The following CNTNAP2 variants were observed in gnomAD, a reference collection of about 807,000 sequenced individuals.
The protein encoded by CNTNAP2 is contactin-associated protein-like 2.
A neutral mutation model predicts 155.2 loss-of-function variants in CNTNAP2; 98 were observed. The ratio of observed to expected loss-of-function variants is 0.63; its 90% confidence interval spans 0.54 to 0.75. CNTNAP2 has a LOEUF of 0.75. Among genes scored for constraint, CNTNAP2 ranks in the 30% least tolerant of loss-of-function variants. The pLI, the probability that CNTNAP2 is intolerant of heterozygous loss-of-function variation, is 0.00. For synonymous variants in CNTNAP2, 651 were observed against 631.2 expected (o/e 1.03, Z -0.47); for missense variants, 1,727 against 1,688.1 (o/e 1.02, Z -0.40).
chr7:148,109,071 G>C lies in CNTNAP2; in HGVS notation c.2384-9047G>C, dbSNP rs564213821. 4.3e-4 allele frequency among the ~76,000 whole-genome samples: 66 copies of C among 152,308 alleles called. 1 individual carries two copies. The highest frequency in any genetic ancestry group is 1.5e-3 in the African/African-American group (64 of 41,576). On this transcript the variant is annotated intron_variant, in intron 15 of 23. Coordinates refer to ENST00000361727, the MANE Select transcript of CNTNAP2 (RefSeq NM_014141.6). ...CTGTTCACACATTGAAGGAAAAGAG[G>C]CTCCTCTTCCATCTTTCCCCATTCC...
chr7:146,355,123 A>T (rs1019577741), intron 1 of CNTNAP2, among the ~76,000 whole-genome samples: 2 of 152,208 alleles, frequency 1.3e-5, no homozygotes, highest in Non-Finnish European at 2.9e-5. Flanking sequence ...CTTTTGTTCC[A>T]ATTGCATACA....
chr7:147,305,069 C>G (rs540452379), intron 9 of CNTNAP2, among the ~76,000 whole-genome samples: 1 of 152,104 alleles, frequency 6.6e-6, no homozygotes, highest in Non-Finnish European at 1.5e-5. Flanking sequence ...CTAATTAGCC[C>G]CCAAAGGCCC....
At chr7:146,404,258 T>C (rs1182431917) in intron 1 of CNTNAP2, among the ~76,000 whole-genome samples, 1 of 152,030 alleles carries the variant, frequency 6.6e-6, no homozygotes, top group Non-Finnish European at 1.5e-5. Context: ...TTACAAGTAG[T>C]TGTGGAGTGA....
chr7:147,834,305 C>T (rs1798600676), intron 13 of CNTNAP2, among the ~76,000 whole-genome samples: 2 of 152,162 alleles, frequency 1.3e-5, no homozygotes, highest in East Asian at 1.9e-4. Context: ...CTAGGTGGAA[C>T]AAATTCCTGC....
At chr7:146,274,163 T>A (rs1457521021) in intron 1 of CNTNAP2, among the ~76,000 whole-genome samples, 1 of 152,174 alleles carries the variant, frequency 6.6e-6, no homozygotes, top group African/African-American at 2.4e-5. Flanking sequence ...CTCCAGTGCT[T>A]GTGACACATA....
chr7:147,384,092 G>A (rs1422622673), intron 9 of CNTNAP2, among the ~76,000 whole-genome samples: 2 of 152,150 alleles, frequency 1.3e-5, no homozygotes, highest in African/African-American at 4.8e-5. Context: ...GTACAAGTGA[G>A]AAAAATAGGA....
intron 14 of CNTNAP2, among the ~76,000 whole-genome samples, chr7:147,919,823 G>A (rs1800236681): frequency 6.6e-6 from 1 of 151,582 alleles, no homozygotes; most frequent in African/African-American, 2.4e-5. Context: ...CTGGGCTCAA[G>A]TGATTCACCC....
intron 13 of CNTNAP2, among the ~76,000 whole-genome samples, chr7:147,882,314 T>C (rs1799534744): frequency 1.3e-5 from 2 of 152,182 alleles, no homozygotes. Flanking sequence ...AGTGATCACC[T>C]CACTCACTGA....
chr7:146,650,271 A>G (rs970385833), intron 1 of CNTNAP2, among the ~76,000 whole-genome samples: 4 of 152,190 alleles, frequency 2.6e-5, no homozygotes, highest in African/African-American at 7.2e-5. Context: ...CACTATTCAC[A>G]ATAGCAAAGA....
intron 1 of CNTNAP2, among the ~76,000 whole-genome samples, chr7:146,246,098 A>G (rs1234028901): frequency 6.6e-6 from 1 of 151,982 alleles, no homozygotes; most frequent in African/African-American, 2.4e-5. Flanking sequence ...AGCAGGCTTT[A>G]ATCCTTTCAA....
intron 15 of CNTNAP2, among the ~76,000 whole-genome samples, chr7:148,081,928 T>C (rs1346250734): frequency 6.6e-6 from 1 of 152,034 alleles, no homozygotes; most frequent in East Asian, 1.9e-4. Flanking sequence ...GGCTGATAGA[T>C]GGAGTAAGCA....
At chr7:147,674,560 A>G (rs1353016093) in intron 13 of CNTNAP2, among the ~76,000 whole-genome samples, 4 of 152,192 alleles carry the variant, frequency 2.6e-5, no homozygotes, top group Non-Finnish European at 5.9e-5. Flanking sequence ...TATAAGCAGC[A>G]TTTTGATGTG....
intron 13 of CNTNAP2, among the ~76,000 whole-genome samples, chr7:147,650,518 A>T (rs145992658): frequency 0.01 from 1,549 of 152,276 alleles, 10 homozygotes; most frequent in Non-Finnish European, 0.014. Context: ...GAAGACTTTT[A>T]TAATGACCCA....
chr7:146,802,206 G>A (rs1237308763), intron 2 of CNTNAP2, among the ~76,000 whole-genome samples: 1 of 152,084 alleles, frequency 6.6e-6, no homozygotes, highest in Non-Finnish European at 1.5e-5. Flanking sequence ...TGTGTTGGCC[G>A]GACTAAGGTA....
intron 10 of CNTNAP2, among the ~76,000 whole-genome samples, chr7:147,417,257 T>A (rs1271201688): frequency 6.6e-6 from 1 of 152,182 alleles, no homozygotes; most frequent in Non-Finnish European, 1.5e-5. Flanking sequence ...GACTAGCTCA[T>A]AAACGATAGA....
At chr7:146,673,557 T>C (rs1262523549) in intron 1 of CNTNAP2, among the ~76,000 whole-genome samples, 1 of 152,134 alleles carries the variant, frequency 6.6e-6, no homozygotes, top group Non-Finnish European at 1.5e-5. Flanking sequence ...AGTAGCCAAG[T>C]CTCATCCCAT....
At chr7:147,322,328 T>C (rs1795367756) in intron 9 of CNTNAP2, among the ~76,000 whole-genome samples, 2 of 152,196 alleles carry the variant, frequency 1.3e-5, no homozygotes, top group Non-Finnish European at 2.9e-5. Flanking sequence ...GAAGGCTAAT[T>C]AGCATCTTTG....
At chr7:148,077,636 T>G (rs1415414483) in intron 15 of CNTNAP2, among the ~76,000 whole-genome samples, 3 of 152,186 alleles carry the variant, frequency 2.0e-5, no homozygotes, top group Non-Finnish European at 4.4e-5. Flanking sequence ...CTTTCTTTTT[T>G]TCGGATATAA....
chr7:147,640,102 CTT>C (rs1379017595), intron 13 of CNTNAP2, among the ~76,000 whole-genome samples: 2 of 151,994 alleles, frequency 1.3e-5, no homozygotes, highest in Non-Finnish European at 2.9e-5. Context: ...GAGTTGACCT[CTT>C]TTTAAAATTT....
Sources: allele counts gnomAD v4.1 joint callset (sites outside exome capture counted in the v4.1 genomes callset), GRCh38; gene constraint gnomAD v4.1.1; transcripts MANE v1.5; gene names NCBI Gene and HGNC (gene_info 2026-07-23, HGNC 2026-07-21).